The following TMEM59L variants were observed in gnomAD, a reference collection of about 807,000 sequenced individuals.
TMEM59L encodes transmembrane protein 59 like, also known as transmembrane protein 59-like.
Under a neutral mutation model 39.6 loss-of-function variants are expected in TMEM59L, and 31 were observed. That is an observed-to-expected ratio of 0.78 (90% CI 0.59 to 1.06). The LOEUF is 1.06. TMEM59L is among the 50% of genes least tolerant of loss of function. TMEM59L has a pLI of 0.00. For synonymous variants in TMEM59L, 219 were observed against 202.9 expected (o/e 1.08, Z -0.68); for missense variants, 441 against 451.3 (o/e 0.98, Z 0.21).
Position 18,618,108 on chromosome 19 carries a change from C to T in TMEM59L, c.665-47C>T, listed in dbSNP as rs747912338. On this transcript the variant is annotated intron_variant, in intron 5 of 7. Coordinates refer to ENST00000262817, the MANE Select transcript of TMEM59L (RefSeq NM_012109.3). ...CCCTCCTGGTCATGGTTATTGTGGC[C>T]TCTTAGCAAAGACCTGGTGGTCGCT... is the stretch of plus-strand genomic sequence containing the variant. 4.8e-6 allele frequency: 7 copies of T among 1,464,016 alleles called. No homozygotes were observed. The East Asian group carries it at 1.6e-4, about 33-fold the overall frequency. 90.7% of individuals were successfully genotyped at this position (1,464,016 alleles called of 1,614,324 possible). A position where few individuals can be genotyped will look rare whatever the true frequency, so the allele number is the denominator to read the frequency against.
rs1840579033 is a variant in TMEM59L, at chr19:18,616,051, A to G, written c.485A>G (p.Asn162Ser). Residue 162 changes from asparagine to serine, a missense_variant, in exon 4 of 8, where the codon AAC becomes AGC. Physicochemically the swap from Asn to Ser is conservative, Grantham distance 46. Coordinates refer to ENST00000262817, the MANE Select transcript of TMEM59L (RefSeq NM_012109.3). ...TCCACCCTCTGCAATGACCTTGTCA[A>G]CTCAGCCCAGGGATTTGTCTCCTCC... The part of the protein sequence containing the change: ...LFSTLCNDLV[N>S]SAQGFVSSTW... The G allele has an allele frequency of 1.2e-6, 2 of 1,614,088 alleles. No homozygotes were observed. The highest frequency in any genetic ancestry group is 1.7e-4 in the Middle Eastern group (1 of 6,054).
intron 5 of TMEM59L, chr19:18,617,881 A>C (rs1478683978): frequency 7.9e-6 from 4 of 504,510 alleles, no homozygotes; most frequent in Non-Finnish European, 1.4e-5. Context: ...CCTAGGGTCC[A>C]TCTCCTAGAG....
intron 5 of TMEM59L, 59 bp from the exon 6 acceptor site, chr19:18,618,096 G>C: frequency 7.5e-7 from 1 of 1,338,558 alleles, no homozygotes; most frequent in Non-Finnish European, 1.1e-6. Flanking sequence ...TCCTGGTCAT[G>C]GTTATTGTGG....
At position 18,618,497 on chromosome 19, in the gene TMEM59L, G is replaced by T; in HGVS notation, c.900+5G>T. ...GGCCAGCACCTCAAGTTCCAGGTGGGTGGGATCTGTGAATGGCGCTGGGCC... is the reference window on the plus strand; with the variant it reads ...GGCCAGCACCTCAAGTTCCAGGTGGTTGGGATCTGTGAATGGCGCTGGGCC... On this transcript the variant is annotated splice_donor_5th_base_variant and intron_variant, in intron 7 of 7. Transcript: ENST00000262817. 1 of 1,599,600 alleles carries T rather than the reference G, an allele frequency of 6.3e-7. No individual in the cohort carries two copies.
chr19:18,612,987 C>CGCT lies in TMEM59L; in HGVS notation c.46_48dup (p.Leu17dup), dbSNP rs748071337. 5.0e-5 allele frequency: 68 copies of CGCT among 1,360,434 alleles called. No homozygotes were observed. Among genetic ancestry groups the CGCT allele is most frequent in the Admixed American group, 1.1e-4 (3 of 27,926 alleles). The allele number at this position is 1,360,434 out of a possible 1,614,324, so 84.3% of individuals were successfully genotyped here. ...GCTGCGGTGGCGCTGATGCCACCGCCGCTGCTGCTGCTGCTGCTGTTGGCG... is the reference window on the plus strand; with the variant it reads ...GCTGCGGTGGCGCTGATGCCACCGCCGCTGCTGCTGCTGCTGCTGCTGTTGGCG... On this transcript the variant is annotated inframe_insertion, in exon 1 of 8. Transcript: ENST00000262817. The surrounding 1 kb of genome is among the most constrained non-coding windows in gnomAD (Gnocchi z 6.2).
chr19:18,612,938 C>T lies in TMEM59L; in HGVS notation c.-21C>T, dbSNP rs982892736. 8 of 1,291,684 alleles carry T rather than the reference C, an allele frequency of 6.2e-6. No homozygotes were observed. In the African/African-American group the frequency reaches 1.1e-4, roughly 17 times the overall value. 80.0% of individuals were successfully genotyped at this position (1,291,684 alleles called of 1,614,324 possible). On this transcript the variant is annotated 5_prime_UTR_variant, in exon 1 of 8. Transcript: ENST00000262817. This position sits in a 1 kb window ranked among gnomAD's most constrained non-coding sequence, Gnocchi z 6.2. ...CCGGCCTGAGCTGGAGTCCCCCGCG[C>T]CCCCCGCGTTCCGCCCGGCCATGGC... is the stretch of plus-strand genomic sequence containing the variant.
At chr19:18,616,592 C>T (rs1384275963) in intron 4 of TMEM59L, among the ~76,000 whole-genome samples, 3 of 152,090 alleles carry the variant, frequency 2.0e-5, no homozygotes, top group Non-Finnish European at 4.4e-5. Context: ...GGGGTTTCGC[C>T]ATGTTGGCCA....
chr19:18,616,115 G>T lies in TMEM59L; in HGVS notation c.549G>T (p.Val183=). Residue 183 remains valine, a synonymous_variant, in exon 4 of 8, where the codon GTG becomes GTT. Transcript: ENST00000262817. ...TYYLQTDNGK[V]VVFQTQPIVE... ...ACTTGCAGACTGACAATGGGAAAGT[G>T]GTGGTGTTTCAGGTGAGACCTCTGA... 1 of 1,614,012 alleles carries T rather than the reference G, an allele frequency of 6.2e-7. No homozygotes were observed. Among genetic ancestry groups the T allele is most frequent in the Non-Finnish European group, 8.5e-7 (1 of 1,179,962 alleles).
chr19:18,618,204 G>C lies in TMEM59L; in HGVS notation c.714G>C (p.Lys238Asn), dbSNP rs1160837971. ...DKVRKAKIRV[K>N]TSSKAKVESE... ...TGAGGAAGGCCAAGATCCGAGTCAA[G>C]ACCAGCAGCAAGGCCAAGGTGGAGT... is the stretch of plus-strand genomic sequence containing the variant. Residue 238 changes from lysine to asparagine, a missense_variant, in exon 6 of 8, where the codon AAG (lysine) becomes AAC (asparagine). Physicochemically the swap from Lys to Asn is moderately conservative, Grantham distance 94 (BLOSUM62 0). Coordinates refer to ENST00000262817, the MANE Select transcript of TMEM59L (RefSeq NM_012109.3). 6.2e-7 allele frequency: 1 copy of C among 1,607,486 alleles called. No individual in the cohort carries two copies. Among genetic ancestry groups the C allele is most frequent in the Non-Finnish European group, 8.5e-7 (1 of 1,176,698 alleles).
intron 1 of TMEM59L, 31 bp downstream of exon 1, chr19:18,613,160 G>T: frequency 7.9e-7 from 1 of 1,260,710 alleles, no homozygotes; most frequent in South Asian, 3.1e-5. Context: ...GGTGCCAGCG[G>T]GGGACGCGGG....
chr19:18,615,923 G>A, intron 3 of TMEM59L, 52 bp from the exon 4 acceptor site: 1 of 1,593,956 alleles, frequency 6.3e-7, no homozygotes, highest in Non-Finnish European at 8.6e-7. Flanking sequence ...CCATTCATTG[G>A]TTAATGCCCT....
rs1401935489 is a variant in TMEM59L, at chr19:18,615,888, G to T, written c.409-87G>T. On this transcript the variant is annotated intron_variant, in intron 3 of 7. Coordinates refer to ENST00000262817, the MANE Select transcript of TMEM59L (RefSeq NM_012109.3). ...CTTCCAAAGTGTTGGGATTACAGGC[G>T]TGAGCCACCACATCCTGCCCCCTCC... is the stretch of plus-strand genomic sequence containing the variant. 4 of 1,509,256 alleles carry T rather than the reference G, an allele frequency of 2.7e-6. No homozygotes were observed. In the African/African-American group the frequency reaches 5.5e-5, roughly 21 times the overall value. 93.5% of individuals were successfully genotyped at this position (1,509,256 alleles called of 1,614,324 possible). A position where few individuals can be genotyped will look rare whatever the true frequency, so the allele number is the denominator to read the frequency against.
intron 3 of TMEM59L, 62 bp from the exon 4 acceptor site, chr19:18,615,913 C>T: frequency 6.4e-7 from 1 of 1,571,780 alleles, no homozygotes; most frequent in South Asian, 1.2e-5. Flanking sequence ...CTGCCCCCTC[C>T]CATTCATTGG....
At chr19:18,617,913 G>T in intron 5 of TMEM59L, 1 of 567,362 alleles carries the variant, frequency 1.8e-6, no homozygotes, top group East Asian at 3.1e-5. Flanking sequence ...ATCTCTCAGG[G>T]TTCCATGGTT....
At chr19:18,617,670 ATC>A in intron 5 of TMEM59L, 2 of 448,796 alleles carry the variant, frequency 4.5e-6, no homozygotes, top group South Asian at 3.1e-5. Flanking sequence ...TCTGCAGTTC[ATC>A]TCCCAGGGTT....
chr19:18,615,850 G>C lies in TMEM59L; in HGVS notation c.409-125G>C. ...CTCAAACTTCTGGCCTCAAGTGATC[G>C]GCCTGCCTCAGCCTTCCAAAGTGTT... On this transcript the variant is annotated intron_variant, in intron 3 of 7. Coordinates refer to ENST00000262817, the MANE Select transcript of TMEM59L (RefSeq NM_012109.3). The C allele has an allele frequency of 2.5e-6, 3 of 1,222,516 alleles. No individual in the cohort carries two copies. In the South Asian group the frequency reaches 4.6e-5, roughly 19 times the overall value. 75.7% of individuals were successfully genotyped at this position (1,222,516 alleles called of 1,614,324 possible).
intron 3 of TMEM59L, among the ~76,000 whole-genome samples, chr19:18,615,646 C>G (rs1976419270): frequency 6.6e-6 from 1 of 152,214 alleles, no homozygotes; most frequent in Non-Finnish European, 1.5e-5. Context: ...CTCACTCTTT[C>G]ACCCAGGCTA....
chr19:18,620,095 A>G (rs1976478694), intron 7 of TMEM59L, among the ~76,000 whole-genome samples: 1 of 151,528 alleles, frequency 6.6e-6, no homozygotes, highest in African/African-American at 2.4e-5. Flanking sequence ...TCACTTCAGG[A>G]GTTCGAGACC....
intron 5 of TMEM59L, 60 bp downstream of exon 5, chr19:18,617,162 G>A (rs1305342940): frequency 5.2e-6 from 7 of 1,346,614 alleles, no homozygotes; most frequent in South Asian, 2.3e-5. Flanking sequence ...ACAAGGAGTC[G>A]GCCTGGCAAA....
Sources: allele counts gnomAD v4.1 joint callset (sites outside exome capture counted in the v4.1 genomes callset), GRCh38; gene constraint gnomAD v4.1.1; non-coding constraint Gnocchi (gnomAD v3.1); transcripts MANE v1.5; gene names NCBI Gene and HGNC (gene_info 2026-07-23, HGNC 2026-07-21).